The following HDHD2 variants were observed in gnomAD, a reference collection of about 807,000 sequenced individuals.
The protein encoded by HDHD2 is haloacid dehalogenase like hydrolase domain containing 2, also known as haloacid dehalogenase-like hydrolase domain-containing protein 2.
A neutral mutation model predicts 24.8 loss-of-function variants in HDHD2; 26 were observed. That is an observed-to-expected ratio of 1.05 (90% CI 0.77 to 1.45). The LOEUF is 1.45. HDHD2 is among the 40% of genes most tolerant of loss of function. The probability of loss-of-function intolerance (pLI) is 0.00; values close to 1 mark genes in which losing one functional copy is unlikely to be tolerated. For missense variants in HDHD2, 299 were observed against 313.4 expected (o/e 0.95, Z 0.35); for synonymous variants, 128 against 114.9 (o/e 1.11, Z -0.73).
At position 47,134,557 on chromosome 18, in the gene HDHD2, T is replaced by C; in HGVS notation, c.249A>G (p.Leu83=). The C allele has an allele frequency of 4.3e-6, 7 of 1,614,182 alleles. No homozygotes were observed. Among genetic ancestry groups the C allele is most frequent in the Non-Finnish European group, 5.9e-6 (7 of 1,179,996 alleles). Residue 83 remains leucine, a synonymous_variant, in exon 3 of 7, where the codon CTA becomes CTG. Coordinates refer to ENST00000300605, the MANE Select transcript of HDHD2 (RefSeq NM_032124.5). ...FTSLTAARSL[L]ERKQVRPMLL... ...GCATGGGTCTGACTTGTTTCCGCTC[T>C]AGTAAACTTCTGGCTGCAGTCAGAG... is the stretch of plus-strand genomic sequence containing the variant.
intron 6 of HDHD2, chr18:47,111,225 G>A (rs2144273068): frequency 1.0e-6 from 1 of 985,238 alleles, no homozygotes; most frequent in Non-Finnish European, 1.2e-6. Context: ...CTAAACTGAT[G>A]CCTGTGAAAG....
chr18:47,120,335 C>T (rs1260871068), intron 4 of HDHD2, among the ~76,000 whole-genome samples: 2 of 152,252 alleles, frequency 1.3e-5, no homozygotes, highest in South Asian at 2.1e-4. Context: ...GCTGCTTCAT[C>T]TTGCACTTTA....
At chr18:47,117,842 C>T (rs1002516443) in intron 4 of HDHD2, among the ~76,000 whole-genome samples, 1 of 151,712 alleles carries the variant, frequency 6.6e-6, no homozygotes, top group Non-Finnish European at 1.5e-5. Context: ...AATAATTATG[C>T]AACTTGCTTT....
intron 1 of HDHD2, among the ~76,000 whole-genome samples, chr18:47,143,612 T>C (rs2063839719): frequency 6.6e-6 from 1 of 152,216 alleles, no homozygotes; most frequent in African/African-American, 2.4e-5. Flanking sequence ...CAAAACGTTT[T>C]GGGATTTTTC....
At chr18:47,129,581 C>G (rs1256389567) in intron 4 of HDHD2, among the ~76,000 whole-genome samples, 1 of 152,152 alleles carries the variant, frequency 6.6e-6, no homozygotes, top group Non-Finnish European at 1.5e-5. Context: ...TCCACTGCCA[C>G]TATTCCAGTT....
At chr18:47,122,016 G>A (rs1185088811) in intron 4 of HDHD2, among the ~76,000 whole-genome samples, 1 of 151,794 alleles carries the variant, frequency 6.6e-6, no homozygotes, top group Non-Finnish European at 1.5e-5. Flanking sequence ...ATATCACTTG[G>A]CATGATTGGT....
chr18:47,133,425 T>C (rs1318327749), intron 3 of HDHD2, among the ~76,000 whole-genome samples: 1 of 150,864 alleles, frequency 6.6e-6, no homozygotes, highest in African/African-American at 2.4e-5. Flanking sequence ...TTCCAAGTCT[T>C]TGCTATTGTG....
intron 1 of HDHD2, among the ~76,000 whole-genome samples, chr18:47,146,993 A>T (rs1193719069): frequency 6.6e-6 from 1 of 152,174 alleles, no homozygotes; most frequent in South Asian, 2.1e-4. Context: ...TTTTAAACAT[A>T]TATGTTTTGT....
At chr18:47,114,923 G>A (rs975060805) in intron 5 of HDHD2, among the ~76,000 whole-genome samples, 2 of 151,744 alleles carry the variant, frequency 1.3e-5, no homozygotes, top group Non-Finnish European at 2.9e-5. Flanking sequence ...TTACGCTATG[G>A]AGAAATGTCA....
chr18:47,129,698 G>A (rs2063693853), intron 4 of HDHD2, among the ~76,000 whole-genome samples: 1 of 152,126 alleles, frequency 6.6e-6, no homozygotes, highest in South Asian at 2.1e-4. Context: ...CGCATTTATT[G>A]TTTTTGGTGG....
intron 3 of HDHD2, 79 bp downstream of exon 3, chr18:47,134,417 T>A: frequency 2.1e-6 from 2 of 959,182 alleles, no homozygotes; most frequent in Non-Finnish European, 3.2e-6. Flanking sequence ...AGAATAAACA[T>A]CTCTAAACAT....
chr18:47,125,724 G>C (rs1362232977), intron 4 of HDHD2, among the ~76,000 whole-genome samples: 1 of 152,124 alleles, frequency 6.6e-6, no homozygotes, highest in African/African-American at 2.4e-5. Context: ...GTTATCCTGG[G>C]GAAGGAGTGG....
chr18:47,136,381 A>G lies in HDHD2; in HGVS notation c.59T>C (p.Ile20Thr). The G allele has an allele frequency of 6.2e-7, 1 of 1,613,380 alleles. No homozygotes were observed. The highest frequency in any genetic ancestry group is 8.5e-7 in the Non-Finnish European group (1 of 1,179,802). Residue 20 changes from isoleucine to threonine, a missense_variant, in exon 2 of 7, where the codon ATT (isoleucine) becomes ACT (threonine). By Grantham distance (89) the Ile-to-Thr change is moderately conservative. Transcript: ENST00000300605. ...TGCGCCTGGCACAGCTGCATCTTCA[A>G]TGTGAAGTGTGCCACTGAGATCTAC... ...VLVDLSGTLH[I>T]EDAAVPGAQE...
At chr18:47,125,053 T>C (rs760636594) in intron 4 of HDHD2, among the ~76,000 whole-genome samples, 4 of 151,824 alleles carry the variant, frequency 2.6e-5, no homozygotes, top group Non-Finnish European at 5.9e-5. Flanking sequence ...TCCTAGCTAC[T>C]TGGGAGGCTA....
intron 1 of HDHD2, among the ~76,000 whole-genome samples, chr18:47,144,799 CA>C (rs200234127): frequency 0.042 from 2,575 of 61,152 alleles, 44 homozygotes; most frequent in African/African-American, 0.14. Flanking sequence ...GACCCTGTCT[CA>C]AAAAAAAAAA....
At chr18:47,108,826 G>T in intron 6 of HDHD2, 41 bp from the exon 7 acceptor site, 1 of 1,252,272 alleles carries the variant, frequency 8.0e-7, no homozygotes, top group Non-Finnish European at 1.2e-6. Flanking sequence ...GCTGCCACCA[G>T]AATGCTAAAT....
chr18:47,146,236 A>G (rs2063869166), intron 1 of HDHD2, among the ~76,000 whole-genome samples: 1 of 152,006 alleles, frequency 6.6e-6, no homozygotes, highest in Non-Finnish European at 1.5e-5. Flanking sequence ...TCTCAAAAAA[A>G]AAAAAAAAAA....
intron 4 of HDHD2, among the ~76,000 whole-genome samples, chr18:47,119,410 C>T (rs894940348): frequency 1.5e-4 from 23 of 152,168 alleles, no homozygotes; most frequent in African/African-American, 5.3e-4. Context: ...CAACAACGTT[C>T]GAAGCATCTT....
At chr18:47,109,668 C>T (rs2063500164) in intron 6 of HDHD2, 1 of 152,244 alleles carries the variant, frequency 6.6e-6, no homozygotes, top group African/African-American at 2.4e-5. Context: ...CGTGCCATTC[C>T]CTTGTCATTC....
Sources: gnomAD v4.1 joint callset for allele counts (sites outside exome capture counted in the v4.1 genomes callset) on GRCh38, gnomAD v4.1.1 for gene constraint, MANE v1.5 for transcripts, NCBI Gene and HGNC (gene_info 2026-07-23, HGNC 2026-07-21) for gene names.